The following RUSC2 variants were observed in gnomAD, a reference collection of about 807,000 sequenced individuals.
RUSC2 encodes AP-4 complex accessory subunit RUSC2.
A neutral mutation model predicts 122.2 loss-of-function variants in RUSC2; 34 were observed. The observed-to-expected ratio is 0.28, with a 90% CI of 0.21 to 0.37. The LOEUF (loss-of-function observed/expected upper bound fraction) is 0.37, where lower values mean the gene tolerates loss of function less well. Among genes scored for constraint, RUSC2 ranks in the 10% least tolerant of loss-of-function variants. RUSC2 has a pLI of 1.00. For missense variants in RUSC2, 1,747 were observed against 1,952.4 expected, an observed-to-expected ratio of 0.89 and a Z score of 1.98; for synonymous variants, 784 against 790.0, an observed-to-expected ratio of 0.99 and a Z score of 0.13.
chr9:35,534,730 G>C (rs1022164707), intron 1 of RUSC2, among the ~76,000 whole-genome samples: 1 of 152,128 alleles, frequency 6.6e-6, no homozygotes, highest in African/African-American at 2.4e-5. Flanking sequence ...TGATCTGCCT[G>C]CCTTGGCCTC....
intron 1 of RUSC2, among the ~76,000 whole-genome samples, chr9:35,519,921 GTT>G (rs1821180485): frequency 6.6e-6 from 1 of 152,122 alleles, no homozygotes; most frequent in Non-Finnish European, 1.5e-5. Flanking sequence ...ATGTGTCAGA[GTT>G]GGACCCAGAC....
Position 35,561,087 on chromosome 9 carries a change from A to G in RUSC2, c.4339A>G (p.Ser1447Gly), listed in dbSNP as rs762110912. ...QEPHSPALPSSPPCEVQALCH... is the reference protein window; with the variant it reads ...QEPHSPALPSGPPCEVQALCH... ...GCCACACTCCCCAGCCCTGCCCTCC[A>G]GTCCTCCGTGGTAAGCCTGGGGAAA... The change falls in exon 11 of 12, where the codon AGT becomes GGT. Residue 1447 changes from serine to glycine, a missense_variant. Coordinates refer to ENST00000361226, the MANE Select transcript of RUSC2 (RefSeq NM_014806.5). 3 of 1,614,008 alleles carry G rather than the reference A, an allele frequency of 1.9e-6. No individual in the cohort carries two copies. Among genetic ancestry groups the G allele is most frequent in the Middle Eastern group, 1.7e-4 (1 of 6,060 alleles).
intron 1 of RUSC2, among the ~76,000 whole-genome samples, chr9:35,529,333 C>G (rs1821377877): frequency 6.6e-6 from 1 of 151,502 alleles, no homozygotes. Context: ...AGGTCACGTG[C>G]TCATCTAATG....
chr9:35,538,411 G>C (rs1258709013), intron 1 of RUSC2, among the ~76,000 whole-genome samples: 1 of 152,200 alleles, frequency 6.6e-6, no homozygotes, highest in Non-Finnish European at 1.5e-5. Flanking sequence ...CTGGCAGAAT[G>C]GTGACTGGTC....
At chr9:35,537,841 C>G (rs1032321381) in intron 1 of RUSC2, among the ~76,000 whole-genome samples, 8 of 152,208 alleles carry the variant, frequency 5.3e-5, no homozygotes, top group Non-Finnish European at 8.8e-5. Flanking sequence ...AAGACTATCT[C>G]TGTGTTCAAG....
In RUSC2 at chr9:35,560,985, G is replaced by A. The variant is rs760969481; in HGVS notation, c.4237G>A (p.Asp1413Asn). Residue 1413 changes from aspartate (D) to asparagine (N), a missense_variant, in exon 11 of 12, where the codon GAC becomes AAC. Physicochemically the swap from Asp to Asn is conservative, Grantham distance 23. Coordinates refer to ENST00000361226, the MANE Select transcript of RUSC2 (RefSeq NM_014806.5). ...GCTCCCCTCGGACTGGCTGAGCCTG[G>A]ACAAGTCCATGTTCCAACTAGTGGC... ...NRLPSDWLSLDKSMFQLVAQT... is the reference protein window; with the variant it reads ...NRLPSDWLSLNKSMFQLVAQT... The A allele has an allele frequency of 4.3e-6, 7 of 1,614,208 alleles. No homozygotes were observed. In the East Asian group the frequency reaches 1.6e-4, roughly 36 times the overall value.
rs2131701275 is a variant in RUSC2, at chr9:35,558,134, T to C, written c.3061-63T>C. On this transcript the variant is annotated intron_variant, in intron 6 of 11. Coordinates refer to ENST00000361226, the MANE Select transcript of RUSC2 (RefSeq NM_014806.5). The surrounding 1 kb of genome is among the most constrained non-coding windows in gnomAD (Gnocchi z 4.3). ...CGGCAAGAGGGGAACCATGAGGGCC[T>C]GCTACGAGAGGACCACAGTCAGGCC... 1 of 1,595,530 alleles carries C rather than the reference T, an allele frequency of 6.3e-7. No homozygotes were observed. Among genetic ancestry groups the C allele is most frequent in the Non-Finnish European group, 8.6e-7 (1 of 1,169,382 alleles).
At chr9:35,538,171 AG>A (rs1220793400) in intron 1 of RUSC2, among the ~76,000 whole-genome samples, 6 of 152,168 alleles carry the variant, frequency 3.9e-5, no homozygotes, top group African/African-American at 1.4e-4. Flanking sequence ...GCACTGACCG[AG>A]AACTGATGTA....
At chr9:35,512,199 A>T (rs1821023572) in intron 1 of RUSC2, among the ~76,000 whole-genome samples, 1 of 150,372 alleles carries the variant, frequency 6.7e-6, no homozygotes, top group South Asian at 2.1e-4. Flanking sequence ...GAAAAAAAAA[A>T]TAGGAAAATC....
At chr9:35,515,624 A>C (rs1325508799) in intron 1 of RUSC2, among the ~76,000 whole-genome samples, 1 of 152,226 alleles carries the variant, frequency 6.6e-6, no homozygotes, top group Non-Finnish European at 1.5e-5. Flanking sequence ...GATAAAGTTT[A>C]TCTCTGCAAG....
In RUSC2 at chr9:35,557,936, C is replaced by T. The variant is rs137958679; in HGVS notation, c.3006C>T (p.Ile1002=). ...QKKGLVKAVN[I]AVDLIVAHFG... ...CAGGGCTGGTAAAAGCTGTTAACAT[C>T]GCTGTGGACCTCATTGTGGCTCATT... The change falls in exon 6 of 12, where the codon ATC becomes ATT. Residue 1002 remains isoleucine, a synonymous_variant. Coordinates refer to ENST00000361226, the MANE Select transcript of RUSC2 (RefSeq NM_014806.5). The surrounding 1 kb of genome is among the most constrained non-coding windows in gnomAD (Gnocchi z 4.6). 1.4e-5 allele frequency: 23 copies of T among 1,614,046 alleles called. No individual in the cohort carries two copies. Among genetic ancestry groups the T allele is most frequent in the Admixed American group, 6.7e-5 (4 of 60,006 alleles).
rs1319563829 is a variant in RUSC2, at chr9:35,555,956, C to A, written c.2661C>A (p.Asn887Lys). The change falls in exon 4 of 12, where the codon AAC (asparagine) becomes AAA (lysine). Residue 887 changes from asparagine to lysine, a missense_variant. Transcript: ENST00000361226. This position sits in a 1 kb window ranked among gnomAD's most constrained non-coding sequence, Gnocchi z 4.6. ...GCTAATCTGTTCTGCTTCCAGCCAA[C>A]CACCTATCCCCTCAAGCCCTCAAGT... ...GSMATRPSNANHLSPQALKWR... is the reference protein window; with the variant it reads ...GSMATRPSNAKHLSPQALKWR... 6.2e-7 allele frequency: 1 copy of A among 1,613,654 alleles called. No individual in the cohort carries two copies. The highest frequency in any genetic ancestry group is 8.5e-7 in the Non-Finnish European group (1 of 1,179,766).
intron 1 of RUSC2, among the ~76,000 whole-genome samples, chr9:35,537,976 G>A (rs981221795): frequency 2.0e-5 from 3 of 152,174 alleles, no homozygotes; most frequent in South Asian, 4.1e-4. Flanking sequence ...AGAACCTGAG[G>A]AGGCTGGAGC....
intron 1 of RUSC2, among the ~76,000 whole-genome samples, chr9:35,502,168 C>T (rs1820828584): frequency 6.6e-6 from 1 of 152,152 alleles, no homozygotes. Flanking sequence ...TTAATAAGTT[C>T]ACACATGAAG....
intron 1 of RUSC2, among the ~76,000 whole-genome samples, chr9:35,526,470 G>GA (rs1320948566): frequency 6.6e-6 from 1 of 152,158 alleles, no homozygotes; most frequent in Non-Finnish European, 1.5e-5. Flanking sequence ...TTAAGTGCTT[G>GA]ATAGTATTAA....
chr9:35,496,380 ATCT>A (rs1490597632), intron 1 of RUSC2, among the ~76,000 whole-genome samples: 1 of 152,154 alleles, frequency 6.6e-6, no homozygotes, highest in Non-Finnish European at 1.5e-5. Flanking sequence ...GGTGCATTAA[ATCT>A]TCTTTTGTTT....
chr9:35,529,978 G>T (rs1821389772), intron 1 of RUSC2, among the ~76,000 whole-genome samples: 1 of 151,978 alleles, frequency 6.6e-6, no homozygotes, highest in African/African-American at 2.4e-5. Flanking sequence ...TTGAGACTGG[G>T]CCTTGTTCTG....
intron 1 of RUSC2, among the ~76,000 whole-genome samples, chr9:35,514,016 A>G (rs933502110): frequency 1.3e-5 from 2 of 149,778 alleles, no homozygotes; most frequent in Non-Finnish European, 1.5e-5. Context: ...TGCTTATTTC[A>G]AATTTTGCTA....
intron 1 of RUSC2, 25 bp downstream of exon 1, chr9:35,490,197 G>T (rs1006168737): frequency 4.6e-5 from 7 of 153,214 alleles, no homozygotes; most frequent in African/African-American, 1.4e-4. Flanking sequence ...CCGGAGGCGG[G>T]CAGGGTCCCA....
Sources: allele counts gnomAD v4.1 joint callset (sites outside exome capture counted in the v4.1 genomes callset), GRCh38; gene constraint gnomAD v4.1.1; non-coding constraint Gnocchi (gnomAD v3.1); transcripts MANE v1.5; gene names NCBI Gene and HGNC (gene_info 2026-07-23, HGNC 2026-07-21).